TRAPPC10: variants seen among roughly 807,000 people sequenced by gnomAD.
The protein encoded by TRAPPC10 is trafficking protein particle complex subunit 10, also known as TRAPP 130 kDa subunit.
TRAPPC10 carries 23 observed loss-of-function variants against 125.5 expected under a neutral mutation model. The observed-to-expected ratio is 0.18, with a 90% CI of 0.13 to 0.26. TRAPPC10 has a LOEUF of 0.26. TRAPPC10 is among the 10% of genes least tolerant of loss of function. TRAPPC10 has a pLI of 1.00. For synonymous variants in TRAPPC10, 509 were observed against 518.0 expected (o/e 0.98, Z 0.24); for missense variants, 1,123 against 1,308.4 (o/e 0.86, Z 2.19).
chr21:44,079,448 T>A, intron 11 of TRAPPC10, 116 bp from the exon 12 acceptor site: 2 of 1,206,916 alleles, frequency 1.7e-6, no homozygotes, highest in African/African-American at 1.6e-5. Flanking sequence ...TCTAGAGATG[T>A]TGAGTCTGTC....
Position 44,083,117 on chromosome 21 carries a change from T to C in TRAPPC10, c.2053T>C (p.Ser685Pro), listed in dbSNP as rs762615308. The C allele has an allele frequency of 1.9e-6, 3 of 1,614,092 alleles. No individual in the cohort carries two copies. The South Asian group carries it at 3.3e-5, about 18-fold the overall frequency. ...GTATGAAATGTTTGAGAGAAGCCCA[T>C]CTGATAACTCCTTGAACACGACTGG... ...ELYEMFERSPSDNSLNTTGII... is the reference protein window; with the variant it reads ...ELYEMFERSPPDNSLNTTGII... Residue 685 changes from serine (S) to proline (P), a missense_variant, in exon 14 of 23, where the codon TCT (serine) becomes CCT (proline). Ser to Pro is a moderately conservative substitution (Grantham distance 74, BLOSUM62 -1). Coordinates refer to ENST00000291574, the MANE Select transcript of TRAPPC10 (RefSeq NM_003274.5).
At chr21:44,015,448 C>T (rs560213930) in intron 1 of TRAPPC10, among the ~76,000 whole-genome samples, 6 of 152,100 alleles carry the variant, frequency 3.9e-5, no homozygotes, top group South Asian at 2.1e-4. Context: ...GATGGGGTCT[C>T]GCTCTGTCAC....
At chr21:44,068,060 C>T (rs1361067908) in intron 7 of TRAPPC10, among the ~76,000 whole-genome samples, 1 of 148,844 alleles carries the variant, frequency 6.7e-6, no homozygotes, top group East Asian at 2.0e-4. Context: ...GCAGAGGTTG[C>T]AGTGAGCCGA....
chr21:44,082,870 G>T lies in TRAPPC10; in HGVS notation c.1806G>T (p.Val602=). The stretch of plus-strand genomic sequence containing the variant: ...ATCCCTCCAATGCCGTGGTCCACGT[G>T]GGCGGCGTTTTGTGCGTTGAGATAA... ...HFDPSNAVVH[V]GGVLCVEITM... The change falls in exon 14 of 23, where the codon GTG becomes GTT. Residue 602 remains valine, a synonymous_variant. Coordinates refer to ENST00000291574, the MANE Select transcript of TRAPPC10 (RefSeq NM_003274.5). This position sits in a 1 kb window ranked among gnomAD's most constrained non-coding sequence, Gnocchi z 4.4. 6.2e-7 allele frequency: 1 copy of T among 1,614,112 alleles called. No homozygotes were observed. Among genetic ancestry groups the T allele is most frequent in the South Asian group, 1.1e-5 (1 of 91,078 alleles).
At chr21:44,032,887 G>C (rs2033700281) in intron 2 of TRAPPC10, among the ~76,000 whole-genome samples, 1 of 152,184 alleles carries the variant, frequency 6.6e-6, no homozygotes, top group Admixed American at 6.5e-5. Flanking sequence ...CATCTTACAA[G>C]ACCCTCCCTC....
intron 7 of TRAPPC10, among the ~76,000 whole-genome samples, chr21:44,065,753 T>C (rs189403263): frequency 2.4e-4 from 36 of 152,358 alleles, no homozygotes; most frequent in African/African-American, 6.7e-4. Flanking sequence ...ACAATCCTCT[T>C]TGCACACTTT....
chr21:44,024,615 A>C (rs959646202), intron 1 of TRAPPC10, among the ~76,000 whole-genome samples: 8 of 152,164 alleles, frequency 5.3e-5, no homozygotes, highest in Non-Finnish European at 1.2e-4. Flanking sequence ...TGTAGTTTTA[A>C]AGTTACTTGT....
intron 7 of TRAPPC10, among the ~76,000 whole-genome samples, chr21:44,073,908 A>G (rs1373706897): frequency 6.6e-6 from 1 of 152,040 alleles, no homozygotes; most frequent in Non-Finnish European, 1.5e-5. Flanking sequence ...TCCCCTCTTG[A>G]CACTAATCTG....
At chr21:44,047,038 C>A in intron 3 of TRAPPC10, 1 of 719,696 alleles carries the variant, frequency 1.4e-6, no homozygotes, top group South Asian at 1.4e-5. Flanking sequence ...TTACTGCCAG[C>A]CATTTCGAAT....
chr21:44,095,402 C>A (rs768786644), intron 20 of TRAPPC10, among the ~76,000 whole-genome samples: 1 of 151,958 alleles, frequency 6.6e-6, no homozygotes, highest in Non-Finnish European at 1.5e-5. Context: ...TGCACCACCA[C>A]GCCTGGCTAA....
In TRAPPC10 at chr21:44,087,985, G is replaced by A; in HGVS notation, c.2769+57G>A. On this transcript the variant is annotated intron_variant, in intron 17 of 22. Coordinates refer to ENST00000291574, the MANE Select transcript of TRAPPC10 (RefSeq NM_003274.5). The surrounding 1 kb of genome is among the most constrained non-coding windows in gnomAD (Gnocchi z 4.6). ...TGGGGCGTCCGCCGCCCGCCTGCCT[G>A]CTGGGAAAGGCGATGTAGCGATGCC... 2.1e-6 allele frequency: 3 copies of A among 1,460,596 alleles called. No individual in the cohort carries two copies. The highest frequency in any genetic ancestry group is 2.8e-6 in the Non-Finnish European group (3 of 1,063,468). 90.5% of individuals were successfully genotyped at this position (1,460,596 alleles called of 1,614,324 possible). A position where few individuals can be genotyped will look rare whatever the true frequency, so the allele number is the denominator to read the frequency against.
At chr21:44,064,804 C>T (rs1193177390) in intron 7 of TRAPPC10, among the ~76,000 whole-genome samples, 1 of 152,156 alleles carries the variant, frequency 6.6e-6, no homozygotes, top group African/African-American at 2.4e-5. Context: ...TATTTCAGAG[C>T]TAAGCTCATT....
rs2038242010 is a variant in TRAPPC10, at chr21:44,087,732, C to T, written c.2573C>T (p.Ser858Phe). Residue 858 changes from serine to phenylalanine, a missense_variant, in exon 17 of 23, where the codon TCC becomes TTC. Physicochemically the swap from Ser to Phe is radical, Grantham distance 155 (BLOSUM62 -2). This residue lies in a region of TRAPPC10 where 840 missense variants were observed against 902.0 expected (regional missense o/e 0.93). Coordinates refer to ENST00000291574, the MANE Select transcript of TRAPPC10 (RefSeq NM_003274.5). This position sits in a 1 kb window ranked among gnomAD's most constrained non-coding sequence, Gnocchi z 4.6. ...QSSEAALRIQ[S>F]SDKVTSISLP... is the part of the protein sequence containing the mutation. ...TCTGAGGCCGCGCTCCGGATTCAGT[C>T]CTCCGACAAGGTCACGAGCATCAGT... 2.5e-6 allele frequency: 4 copies of T among 1,614,106 alleles called. No homozygotes were observed. The East Asian group carries it at 8.9e-5, about 36-fold the overall frequency.
intron 1 of TRAPPC10, among the ~76,000 whole-genome samples, chr21:44,023,514 GA>G (rs2147187473): frequency 6.6e-6 from 1 of 152,250 alleles, no homozygotes; most frequent in African/African-American, 2.4e-5. Flanking sequence ...TTTGGCCAGG[GA>G]GAGTCTCTTT....
intron 15 of TRAPPC10, among the ~76,000 whole-genome samples, chr21:44,085,985 C>T (rs1041405762): frequency 2.6e-5 from 4 of 152,220 alleles, no homozygotes; most frequent in African/African-American, 9.6e-5. Flanking sequence ...CCCTATTTTT[C>T]TGCATTTGTG....
intron 3 of TRAPPC10, among the ~76,000 whole-genome samples, chr21:44,048,364 G>C (rs186874682): frequency 2.6e-5 from 4 of 152,284 alleles, no homozygotes; most frequent in Admixed American, 2.6e-4. Flanking sequence ...CAGAGGGCTT[G>C]CTGGGCTTGT....
Position 44,087,884 on chromosome 21 carries a change from GACAA to G in TRAPPC10, c.2729_2732del (p.Lys910ArgfsTer29). 1 of 1,614,124 alleles carries G rather than the reference GACAA, an allele frequency of 6.2e-7. No individual in the cohort carries two copies. The highest frequency in any genetic ancestry group is 8.5e-7 in the Non-Finnish European group (1 of 1,180,016). On this transcript the variant is annotated frameshift_variant, in exon 17 of 23. Transcript: ENST00000291574. LOFTEE classifies it high-confidence loss of function. This position sits in a 1 kb window ranked among gnomAD's most constrained non-coding sequence, Gnocchi z 4.6. ...GGCAGAGCCCCACAGGAAGCATAAG[GACAA>G]ACAGAGAACTGGCCGCTGCATGGTT...
intron 3 of TRAPPC10, chr21:44,046,519 TTTTGG>T: frequency 5.8e-5 from 10 of 172,276 alleles, no homozygotes; most frequent in South Asian, 2.8e-4. Context: ...TTTTTTTTTT[TTTTGG>T]GGGGAGGATT....
chr21:44,035,807 A>G (rs1192931518), intron 2 of TRAPPC10, among the ~76,000 whole-genome samples: 3 of 152,206 alleles, frequency 2.0e-5, no homozygotes, highest in Non-Finnish European at 4.4e-5. Context: ...AACAAAAAAT[A>G]ATTACTTTGA....
Sources: allele counts gnomAD v4.1 joint callset (sites outside exome capture counted in the v4.1 genomes callset), GRCh38; gene constraint gnomAD v4.1.1; regional missense constraint gnomAD v4.1.1; non-coding constraint Gnocchi (gnomAD v3.1); transcripts MANE v1.5; gene names NCBI Gene and HGNC (gene_info 2026-07-23, HGNC 2026-07-21).